FRMD4B: variants seen among roughly 807,000 people sequenced by gnomAD.
The protein encoded by FRMD4B is FERM domain-containing protein 4B.
A neutral mutation model predicts 141.5 loss-of-function variants in FRMD4B; 74 were observed. The ratio of observed to expected loss-of-function variants is 0.52; its 90% CI spans 0.43 to 0.63. The LOEUF (loss-of-function observed/expected upper bound fraction) is 0.63, where lower values mean the gene tolerates loss of function less well. FRMD4B is among the 30% of genes least tolerant of loss of function. FRMD4B has a pLI of 0.00. For missense variants in FRMD4B, 1,366 were observed against 1,253.4 expected (o/e 1.09, Z -1.36); for synonymous variants, 506 against 467.9 (o/e 1.08, Z -1.05).
At chr3:69,527,232 C>T (rs1282892067) in intron 1 of FRMD4B, among the ~76,000 whole-genome samples, 19 of 152,130 alleles carry the variant, frequency 1.2e-4, no homozygotes, top group Admixed American at 1.2e-3. Context: ...AAAAGGATTA[C>T]AGGGAACTCA....
At chr3:69,445,142 A>G (rs1177843188) in intron 1 of FRMD4B, among the ~76,000 whole-genome samples, 1 of 152,180 alleles carries the variant, frequency 6.6e-6, no homozygotes, top group Non-Finnish European at 1.5e-5. Context: ...GCAGCCAGAA[A>G]GGGTTTGGAG....
At chr3:69,402,723 C>G (rs1344431004) in intron 2 of FRMD4B, among the ~76,000 whole-genome samples, 1 of 152,102 alleles carries the variant, frequency 6.6e-6, no homozygotes, top group East Asian at 1.9e-4. Flanking sequence ...AAATAAGCAA[C>G]CCAGATTATA....
intron 1 of FRMD4B, among the ~76,000 whole-genome samples, chr3:69,337,201 G>A (rs550963997): frequency 6.6e-6 from 1 of 152,158 alleles, no homozygotes; most frequent in East Asian, 1.9e-4. Flanking sequence ...AACAAGCAAT[G>A]GGGAAAGGAT....
chr3:69,515,909 T>TTTGG (rs1310594896), intron 1 of FRMD4B, among the ~76,000 whole-genome samples: 1 of 152,302 alleles, frequency 6.6e-6, no homozygotes, highest in African/African-American at 2.4e-5. Flanking sequence ...CATTTGCATC[T>TTTGG]TTGGTTAAGC....
chr3:69,202,771 G>A (rs1189604467), intron 11 of FRMD4B, among the ~76,000 whole-genome samples: 1 of 152,138 alleles, frequency 6.6e-6, no homozygotes, highest in African/African-American at 2.4e-5. Context: ...ATCACTAGTT[G>A]TGCCTTTTGA....
chr3:69,245,513 A>G (rs966721405), intron 7 of FRMD4B, among the ~76,000 whole-genome samples: 2 of 152,110 alleles, frequency 1.3e-5, no homozygotes, highest in Admixed American at 1.3e-4. Context: ...TGCACAGATA[A>G]CTTTTGTATT....
chr3:69,196,198 C>A, intron 14 of FRMD4B, 57 bp downstream of exon 14: 4 of 1,406,754 alleles, frequency 2.8e-6, no homozygotes, highest in Non-Finnish European at 3.9e-6. Context: ...TGGTTTATGA[C>A]CGAAAAAACA....
At chr3:69,376,064 G>T (rs1326739243) in intron 1 of FRMD4B, among the ~76,000 whole-genome samples, 2 of 152,184 alleles carry the variant, frequency 1.3e-5, no homozygotes, top group African/African-American at 4.8e-5. Context: ...GCAGAATGAT[G>T]CATACATATA....
chr3:69,397,390 A>C (rs1704491026), intron 2 of FRMD4B, among the ~76,000 whole-genome samples: 1 of 152,210 alleles, frequency 6.6e-6, no homozygotes. Context: ...AAATGATCTG[A>C]AATTAGATAA....
At chr3:69,490,386 G>A (rs978465539) in intron 1 of FRMD4B, among the ~76,000 whole-genome samples, 3 of 152,084 alleles carry the variant, frequency 2.0e-5, no homozygotes, top group Admixed American at 6.5e-5. Context: ...TGAATGCCTT[G>A]ATTCTTTCTA....
At chr3:69,349,942 A>T (rs11712589) in intron 1 of FRMD4B, among the ~76,000 whole-genome samples, 81,015 of 151,790 alleles carry the variant, frequency 0.53, 22,066 homozygotes, top group Admixed American at 0.57. Context: ...AAACACCAAA[A>T]GCAATGGCAA....
intron 7 of FRMD4B, among the ~76,000 whole-genome samples, chr3:69,246,615 C>A (rs1229835445): frequency 6.6e-6 from 1 of 152,190 alleles, no homozygotes. Flanking sequence ...AACCAACCTG[C>A]AAAGCCATTG....
chr3:69,372,210 G>A (rs1226251312), intron 1 of FRMD4B, among the ~76,000 whole-genome samples: 2 of 152,146 alleles, frequency 1.3e-5, no homozygotes, highest in Non-Finnish European at 2.9e-5. Flanking sequence ...TAAAACCTCG[G>A]AAAGAAGCCT....
intron 1 of FRMD4B, among the ~76,000 whole-genome samples, chr3:69,470,317 T>A (rs181831914): frequency 6.6e-6 from 1 of 152,326 alleles, no homozygotes; most frequent in African/African-American, 2.4e-5. Context: ...TACTAAAACG[T>A]TTGGTTTGTC....
intron 11 of FRMD4B, among the ~76,000 whole-genome samples, chr3:69,211,542 G>T (rs1470906559): frequency 2.0e-5 from 3 of 152,202 alleles, no homozygotes; most frequent in Non-Finnish European, 4.4e-5. Flanking sequence ...AGGTCTGAAG[G>T]TCACTGCTGG....
intron 1 of FRMD4B, among the ~76,000 whole-genome samples, chr3:69,480,930 C>A (rs1341383313): frequency 1.3e-5 from 2 of 152,220 alleles, no homozygotes; most frequent in Non-Finnish European, 2.9e-5. Flanking sequence ...GCCCCTCCCC[C>A]AGCCTCTCTG....
intron 1 of FRMD4B, among the ~76,000 whole-genome samples, chr3:69,499,233 G>C (rs1706452741): frequency 1.3e-5 from 2 of 152,152 alleles, no homozygotes; most frequent in African/African-American, 2.4e-5. Context: ...AGAGATTATA[G>C]ACTCTTTTGG....
At chr3:69,464,589 A>T (rs1280031410) in intron 1 of FRMD4B, among the ~76,000 whole-genome samples, 2 of 152,232 alleles carry the variant, frequency 1.3e-5, no homozygotes, top group African/African-American at 4.8e-5. Flanking sequence ...CCTTTCTTAT[A>T]GAAGTGGTCC....
At chr3:69,214,934 C>G (rs2093124657) in intron 11 of FRMD4B, among the ~76,000 whole-genome samples, 1 of 151,868 alleles carries the variant, frequency 6.6e-6, no homozygotes, top group African/African-American at 2.4e-5. Context: ...GGCTGAAGTG[C>G]AGTGGCGTGA....
Sources: allele counts gnomAD v4.1 joint callset (sites outside exome capture counted in the v4.1 genomes callset), GRCh38; gene constraint gnomAD v4.1.1; transcripts MANE v1.5; gene names NCBI Gene and HGNC (gene_info 2026-07-23, HGNC 2026-07-21).